TYW1B: variants seen among roughly 807,000 people sequenced by gnomAD.
TYW1B encodes the protein tRNA-yW synthesizing protein 1 homolog B.
In TYW1B, 73 loss-of-function variants were observed where a neutral mutation model predicts 86.9. The ratio of observed to expected loss-of-function variants is 0.84; its 90% CI spans 0.70 to 1.02. TYW1B has a LOEUF of 1.02. Ranked by LOEUF, TYW1B falls within the 50% of genes least tolerant of loss-of-function variation. TYW1B has a pLI of 0.00. For synonymous variants in TYW1B, 248 were observed against 292.8 expected (o/e 0.85, Z 1.56); for missense variants, 637 against 827.4 (o/e 0.77, Z 2.82).
intron 8 of TYW1B, among the ~76,000 whole-genome samples, chr7:72,734,666 G>A (rs1554460618): frequency 6.6e-6 from 1 of 152,084 alleles, no homozygotes; most frequent in Non-Finnish European, 1.5e-5. Flanking sequence ...AGGGTGAAGA[G>A]ACAACCTGCA....
At chr7:72,758,002 G>A (rs782067413) in intron 7 of TYW1B, among the ~76,000 whole-genome samples, 2 of 152,206 alleles carry the variant, frequency 1.3e-5, no homozygotes, top group Non-Finnish European at 2.9e-5. Context: ...CAGATCAGTT[G>A]AGGTCAGGAG....
intron 13 of TYW1B, among the ~76,000 whole-genome samples, chr7:72,581,678 T>TGAACTCCTGACCTCAGGTGATTCACC: frequency 6.6e-6 from 1 of 152,056 alleles, no homozygotes; most frequent in East Asian, 1.9e-4. Context: ...AGGCTGGTCT[T>TGAACTCCTGACCTCAGGTGATTCACC]TAGTCTCCCA....
At chr7:72,813,048 A>G (rs547230886) in intron 3 of TYW1B, among the ~76,000 whole-genome samples, 2 of 151,796 alleles carry the variant, frequency 1.3e-5, no homozygotes, top group African/African-American at 4.8e-5. Flanking sequence ...ATTCATTTAC[A>G]TATTATCTAT....
At chr7:72,667,110 A>G (rs1158890261) in intron 11 of TYW1B, among the ~76,000 whole-genome samples, 1 of 151,180 alleles carries the variant, frequency 6.6e-6, no homozygotes, top group African/African-American at 2.4e-5. Context: ...GGTCTGTAAA[A>G]TATGTAGAAG....
chr7:72,579,971 A>C (rs1237572270), intron 13 of TYW1B, among the ~76,000 whole-genome samples: 1 of 152,204 alleles, frequency 6.6e-6, no homozygotes, highest in Admixed American at 6.5e-5. Flanking sequence ...TTCTTACAAA[A>C]ACACTGATCC....
intron 9 of TYW1B, among the ~76,000 whole-genome samples, chr7:72,714,971 T>A (rs1435393829): frequency 6.6e-6 from 1 of 152,178 alleles, no homozygotes; most frequent in Non-Finnish European, 1.5e-5. Context: ...GTCTGTTTCA[T>A]CAGAGTGGGT....
intron 9 of TYW1B, among the ~76,000 whole-genome samples, chr7:72,726,769 A>G (rs1787005384): frequency 6.6e-6 from 1 of 152,140 alleles, no homozygotes; most frequent in African/African-American, 2.4e-5. Flanking sequence ...GCCCATTTTC[A>G]TACTGCTATA....
chr7:72,593,183 T>G (rs764209032), intron 13 of TYW1B, among the ~76,000 whole-genome samples: 17 of 151,486 alleles, frequency 1.1e-4, no homozygotes, highest in Admixed American at 2.0e-4. Flanking sequence ...TCCCAGCTAC[T>G]CGGGGGGCTG....
Position 72,601,767 on chromosome 7 carries a change from TA to T in TYW1B, c.1785+14904del, listed in dbSNP as rs1163024290. 8.1e-3 allele frequency among the ~76,000 whole-genome samples: 1,080 copies of T among 133,052 alleles called. 6 individuals are homozygous for T. Among genetic ancestry groups the T allele is most frequent in the Non-Finnish European group, 0.013 (782 of 61,100 alleles). The allele number at this position is 133,052 out of a possible 152,430, so 87.3% of individuals were successfully genotyped here. ...TTGCTAAGTGAAAAAAAAAAAAGGT[TA>T]AAAAAAAAAAAAGAAAGAAGCCAGT... On this transcript the variant is annotated intron_variant, in intron 13 of 13. Coordinates refer to ENST00000620995, the MANE Select transcript of TYW1B (RefSeq NM_001145440.3).
At chr7:72,800,103 C>T (rs1383237096) in intron 6 of TYW1B, among the ~76,000 whole-genome samples, 1 of 151,932 alleles carries the variant, frequency 6.6e-6, no homozygotes, top group East Asian at 1.9e-4. Flanking sequence ...CCATCTGATT[C>T]TACTATCTAT....
intron 11 of TYW1B, among the ~76,000 whole-genome samples, chr7:72,684,741 T>A (rs1156586110): frequency 4.8e-5 from 4 of 83,380 alleles, no homozygotes; most frequent in African/African-American, 1.6e-4. Flanking sequence ...ATATATTGAT[T>A]ATGCATGCCT....
intron 7 of TYW1B, among the ~76,000 whole-genome samples, chr7:72,771,379 G>A (rs187331096): frequency 5.3e-5 from 8 of 152,232 alleles, no homozygotes; most frequent in African/African-American, 1.7e-4. Context: ...CATTGGGGTG[G>A]GGATAATAAC....
chr7:72,754,517 A>T (rs373390809), intron 7 of TYW1B, among the ~76,000 whole-genome samples: 1 of 151,866 alleles, frequency 6.6e-6, no homozygotes, highest in Non-Finnish European at 1.5e-5. Context: ...GCTCACTGCT[A>T]CCTCTGTCTC....
chr7:72,593,908 C>T lies in TYW1B; in HGVS notation c.1786-18189G>A, dbSNP rs189078431. ...TTTGTAGAGATTAAGCAACACACCC[C>T]TAAATATTACCAATGGATCACAGAA... On this transcript the variant is annotated intron_variant, in intron 13 of 13. Transcript: ENST00000620995. Among the ~76,000 whole-genome samples, 4 of 149,232 alleles carry T rather than the reference C, an allele frequency of 2.7e-5. No individual in the cohort carries two copies. The East Asian group carries it at 5.9e-4, about 22-fold the overall frequency.
intron 11 of TYW1B, among the ~76,000 whole-genome samples, chr7:72,632,435 T>C (rs797031666): frequency 5.3e-5 from 5 of 95,204 alleles, no homozygotes; most frequent in Non-Finnish European, 8.0e-5. Context: ...AATATATATA[T>C]ACGTATATAT....
chr7:72,679,632 A>G (rs1367619148), intron 11 of TYW1B, among the ~76,000 whole-genome samples: 50 of 152,370 alleles, frequency 3.3e-4, no homozygotes, highest in Middle Eastern at 6.8e-3. Context: ...TAATAGTTGC[A>G]TATAATATGA....
intron 7 of TYW1B, among the ~76,000 whole-genome samples, chr7:72,760,225 T>C (rs1787664308): frequency 1.3e-5 from 2 of 152,208 alleles, no homozygotes; most frequent in Admixed American, 1.3e-4. Flanking sequence ...ATGTTGAAAA[T>C]TTAAGCCTAA....
At chr7:72,756,945 C>T (rs527796316) in intron 7 of TYW1B, among the ~76,000 whole-genome samples, 44 of 152,228 alleles carry the variant, frequency 2.9e-4, no homozygotes, top group Admixed American at 7.9e-4. Flanking sequence ...CCACCTGATA[C>T]GCCCTAGGAT....
At position 72,577,610 on chromosome 7, in the gene TYW1B, G is replaced by A. The variant is rs572854526; in HGVS notation, c.1786-1891C>T. On this transcript the variant is annotated intron_variant, in intron 13 of 13. Transcript: ENST00000620995. ...ATTCTCCCTGGGCAGCACTTCTGCC[G>A]CCGGTGGCGTGACTTGGTCACGCAG... Among the ~76,000 whole-genome samples the A allele has an allele frequency of 4.6e-5, 7 of 152,280 alleles. No homozygotes were observed. In the South Asian group the frequency reaches 8.3e-4, roughly 18 times the overall value.
Sources: allele counts gnomAD v4.1 joint callset (sites outside exome capture counted in the v4.1 genomes callset), GRCh38; gene constraint gnomAD v4.1.1; transcripts MANE v1.5; gene names NCBI Gene and HGNC (gene_info 2026-07-23, HGNC 2026-07-21).